GINS3: variants seen among roughly 807,000 people sequenced by gnomAD.
GINS3 encodes the protein DNA replication complex GINS protein PSF3.
GINS3 carries 18 observed loss-of-function variants against 20.0 expected under a neutral mutation model. The ratio of observed to expected loss-of-function variants is 0.90; its 90% CI spans 0.62 to 1.33. The LOEUF (loss-of-function observed/expected upper bound fraction) is 1.33. GINS3 is among the 40% of genes most tolerant of loss of function. The pLI is 0.00. For synonymous variants in GINS3, 109 were observed against 107.0 expected, an observed-to-expected ratio of 1.02 and a Z score of -0.12; for missense variants, 254 against 273.6, an observed-to-expected ratio of 0.93 and a Z score of 0.51.
At chr16:58,396,867 G>A (rs1232443235) in intron 1 of GINS3, among the ~76,000 whole-genome samples, 16 of 139,790 alleles carry the variant, frequency 1.1e-4, no homozygotes, top group African/African-American at 4.3e-4. Flanking sequence ...CCTCCCGGAC[G>A]GGGCGGCTGG....
intron 2 of GINS3, chr16:58,403,689 A>T (rs1965988126): frequency 3.9e-6 from 1 of 253,654 alleles, no homozygotes; most frequent in African/African-American, 2.2e-5. Flanking sequence ...TGAGCCCAGG[A>T]GTTCAAGACC....
At chr16:58,392,870 G>T in intron 1 of GINS3, 83 bp downstream of exon 1, 1 of 1,360,038 alleles carries the variant, frequency 7.4e-7, no homozygotes, top group Non-Finnish European at 9.8e-7. Flanking sequence ...GCATCGGGGC[G>T]CGCTGCCCTT....
intron 1 of GINS3, chr16:58,393,575 GC>G (rs1286947312): frequency 6.6e-6 from 1 of 152,230 alleles, no homozygotes; most frequent in Non-Finnish European, 1.5e-5. Flanking sequence ...GGATGCGGTG[GC>G]TCACGCCTGT....
chr16:58,395,961 C>G (rs1965849499), intron 1 of GINS3, among the ~76,000 whole-genome samples: 1 of 148,782 alleles, frequency 6.7e-6, no homozygotes, highest in African/African-American at 2.5e-5. Flanking sequence ...GGGCGGGGGG[C>G]TGGCCCCCCC....
rs115947479 is a variant in GINS3 at position 58,401,436 on chromosome 16, G to C, written c.187-1662G>C. Among the ~76,000 whole-genome samples the C allele has an allele frequency of 5.1e-3, 775 of 152,210 alleles. 7 individuals are homozygous for C. Among genetic ancestry groups the C allele is most frequent in the African/African-American group, 0.016 (678 of 41,542 alleles). Reference sequence around the variant, plus strand: ...GCAGGTTGCTGCTGGTGGCTTGGTGGCCTGCTTTTATTCCCTTATTTGGCC... The same window carrying C: ...GCAGGTTGCTGCTGGTGGCTTGGTGCCCTGCTTTTATTCCCTTATTTGGCC... On this transcript the variant is annotated intron_variant, in intron 1 of 2. Coordinates refer to ENST00000318129, the MANE Select transcript of GINS3 (RefSeq NM_022770.4).
intron 1 of GINS3, among the ~76,000 whole-genome samples, chr16:58,400,854 G>A (rs1031754130): frequency 4.2e-5 from 6 of 143,034 alleles, no homozygotes; most frequent in African/African-American, 1.6e-4. Flanking sequence ...TTGCTCTGTC[G>A]CCCAGGCTGG....
At chr16:58,403,518 C>T (rs1490931599) in intron 2 of GINS3, 187 bp downstream of exon 2, 2 of 566,832 alleles carry the variant, frequency 3.5e-6, no homozygotes, top group African/African-American at 1.9e-5. Context: ...CACACACACA[C>T]ACATTTTTTT....
intron 1 of GINS3, 171 bp from the exon 2 acceptor site, chr16:58,402,927 T>G (rs62042608): frequency 4.6e-4 from 277 of 599,406 alleles, no homozygotes; most frequent in Non-Finnish European, 7.2e-4. Context: ...ACATAAAACT[T>G]CAGCCCACAC....
intron 2 of GINS3, chr16:58,403,846 G>T (rs145453393): frequency 1.2e-5 from 2 of 160,674 alleles, no homozygotes; most frequent in Non-Finnish European, 2.7e-5. Flanking sequence ...GAGTTATTGG[G>T]TTGTTTCCTT....
intron 1 of GINS3, among the ~76,000 whole-genome samples, chr16:58,400,939 T>C (rs920400199): frequency 1.3e-5 from 2 of 151,630 alleles, no homozygotes; most frequent in Non-Finnish European, 2.9e-5. Flanking sequence ...CTCAGCCTCC[T>C]GAGTAGCTAG....
intron 1 of GINS3, among the ~76,000 whole-genome samples, chr16:58,396,238 G>A (rs1346524605): frequency 7.7e-6 from 1 of 129,624 alleles, no homozygotes; most frequent in Non-Finnish European, 1.7e-5. Context: ...TCACCTCCCA[G>A]ACGGGGCGGC....
In GINS3 at chr16:58,397,680, G is replaced by A. The variant is rs569728409; in HGVS notation, c.186+4893G>A. On this transcript the variant is annotated intron_variant, in intron 1 of 2. Transcript: ENST00000318129. ...AAACCAGTCAGGCGTGGCGGCGCGC[G>A]CCTGCAATCACAGGCACTCGGCAGG... 5.1e-3 allele frequency among the ~76,000 whole-genome samples: 777 copies of A among 152,258 alleles called. 7 individuals carry two copies. The highest frequency in any genetic ancestry group is 0.016 in the African/African-American group (679 of 41,550).
At chr16:58,393,454 C>T (rs766291044) in intron 1 of GINS3, 3 of 152,188 alleles carry the variant, frequency 2.0e-5, no homozygotes, top group Non-Finnish European at 2.9e-5. Context: ...ATTTGGATAT[C>T]CTGTTTCACC....
At position 58,403,099 on chromosome 16, in the gene GINS3, G is replaced by A; in HGVS notation, c.188G>A (p.Gly63Asp). The change falls in exon 2 of 3, where the codon GGT (glycine) becomes GAT (aspartate). Residue 63 changes from glycine (G) to aspartate (D), a missense_variant and splice_region_variant. Transcript: ENST00000318129. ...GAETDNAVPQGSKLELPLWLA... is the reference protein window; with the variant it reads ...GAETDNAVPQDSKLELPLWLA... ...AATCTACATTCATGCATGCTGCAGG[G>A]TTCCAAGCTTGAACTACCCTTGTGG... The A allele has an allele frequency of 4.3e-6, 7 of 1,613,636 alleles. No homozygotes were observed. Among genetic ancestry groups the A allele is most frequent in the Non-Finnish European group, 5.9e-6 (7 of 1,179,522 alleles).
chr16:58,404,494 C>G lies in GINS3; in HGVS notation c.421-5C>G. ...CCTGACTTGTCTTACTCCCTTGTTTCCCAGACTTTTATCGGACGTTTTCGC... is the reference window on the plus strand; with the variant it reads ...CCTGACTTGTCTTACTCCCTTGTTTGCCAGACTTTTATCGGACGTTTTCGC... On this transcript the variant is annotated splice_region_variant and splice_polypyrimidine_tract_variant and intron_variant, in intron 2 of 2. Coordinates refer to ENST00000318129, the MANE Select transcript of GINS3 (RefSeq NM_022770.4). The G allele has an allele frequency of 6.2e-7, 1 of 1,610,252 alleles. No homozygotes were observed.
At chr16:58,403,378 GC>G in intron 2 of GINS3, 47 bp downstream of exon 2, 2 of 1,445,954 alleles carry the variant, frequency 1.4e-6, no homozygotes, top group Non-Finnish European at 9.6e-7. Context: ...TGTCTCAAGA[GC>G]CAGCCACAGA....
chr16:58,394,259 AC>A (rs1318295809), intron 1 of GINS3, among the ~76,000 whole-genome samples: 1 of 152,016 alleles, frequency 6.6e-6, no homozygotes, highest in Non-Finnish European at 1.5e-5. Flanking sequence ...AATGACCTCG[AC>A]GGTTTTGTGG....
rs1966010315 is a variant in GINS3, at chr16:58,404,971, T to C, written c.*242T>C. 1 of 486,050 alleles carries C rather than the reference T, an allele frequency of 2.1e-6. No individual in the cohort carries two copies. The highest frequency in any genetic ancestry group is 3.7e-6 in the Non-Finnish European group (1 of 270,946). 30.1% of individuals were successfully genotyped at this position (486,050 alleles called of 1,614,324 possible). On this transcript the variant is annotated 3_prime_UTR_variant, in exon 3 of 3. Transcript: ENST00000318129. ...CCAGGCCCTTTAACCCAAGAACCCATGGCCAAGGAGAAATCAAAGTCCTTC... is the reference window on the plus strand; with the variant it reads ...CCAGGCCCTTTAACCCAAGAACCCACGGCCAAGGAGAAATCAAAGTCCTTC...
rs201758518 is a variant in GINS3, at chr16:58,404,552, C to T, written c.474C>T (p.Asn158=). 4.7e-5 allele frequency: 76 copies of T among 1,614,020 alleles called. No individual in the cohort carries two copies. Among genetic ancestry groups the T allele is most frequent in the Middle Eastern group, 1.6e-4 (1 of 6,084 alleles). ...TGGACTCCTCACAGAATGCTTACAA[C>T]GAAGACACTTCAGCCCTGGTAGCCA... The part of the protein sequence containing the change: ...RIMDSSQNAY[N]EDTSALVARL... The change falls in exon 3 of 3, where the codon AAC becomes AAT. Residue 158 remains asparagine, a synonymous_variant. Coordinates refer to ENST00000318129, the MANE Select transcript of GINS3 (RefSeq NM_022770.4).
Sources: allele counts gnomAD v4.1 joint callset (sites outside exome capture counted in the v4.1 genomes callset), GRCh38; gene constraint gnomAD v4.1.1; transcripts MANE v1.5; gene names NCBI Gene and HGNC (gene_info 2026-07-23, HGNC 2026-07-21).